The following KYAT3 variants were observed in gnomAD, a reference collection of about 807,000 sequenced individuals.
KYAT3 encodes kynurenine aminotransferase 3.
Under a neutral mutation model 59.0 loss-of-function variants are expected in KYAT3, and 50 were observed. That is an observed-to-expected ratio of 0.85 (90% CI 0.68 to 1.07). The LOEUF is 1.07. Among genes scored for constraint, KYAT3 ranks in the 50% least tolerant of loss-of-function variants. The pLI, the probability that KYAT3 is intolerant of heterozygous loss-of-function variation, is 0.00. For missense variants in KYAT3, 497 were observed against 533.3 expected (o/e 0.93, Z 0.67); for synonymous variants, 148 against 177.0 (o/e 0.84, Z 1.30).
intron 2 of KYAT3, chr1:88,984,204 CTTTTTTTTTTTTTTTTTT>C (rs908183722): frequency 1.2e-5 from 1 of 81,470 alleles, no homozygotes; most frequent in African/African-American, 4.4e-5. Context: ...TTTTTTGTTG[CTTTTTTTTTTTTTTTTTT>C]TTTTTTTTGT....
At position 88,949,325 on chromosome 1, in the gene KYAT3, T is replaced by C. The variant is rs1359667558; in HGVS notation, c.955-48A>G. ...TATGAAAAGGCATATGGCAATGTTA[T>C]TTATTGCTTAGTTTATTGGTATAAT... On this transcript the variant is annotated intron_variant, in intron 10 of 13. Coordinates refer to ENST00000260508, the MANE Select transcript of KYAT3 (RefSeq NM_001008661.3). 5.3e-6 allele frequency: 7 copies of C among 1,322,652 alleles called. No individual in the cohort carries two copies. The East Asian group carries it at 7.4e-5, about 14-fold the overall frequency. The allele number at this position is 1,322,652 out of a possible 1,614,324, so 81.9% of individuals were successfully genotyped here. A position where few individuals can be genotyped will look rare whatever the true frequency, so the allele number is the denominator to read the frequency against.
At chr1:88,971,926 G>C (rs1676571746) in intron 2 of KYAT3, among the ~76,000 whole-genome samples, 1 of 152,174 alleles carries the variant, frequency 6.6e-6, no homozygotes, top group Non-Finnish European at 1.5e-5. Flanking sequence ...ATGATATACA[G>C]CATGACCAAT....
chr1:88,942,614 G>A (rs1425197855), intron 13 of KYAT3, among the ~76,000 whole-genome samples: 1 of 152,034 alleles, frequency 6.6e-6, no homozygotes, highest in Non-Finnish European at 1.5e-5. Context: ...CCAGGCTGGA[G>A]TGCAGTGGTG....
intron 8 of KYAT3, 78 bp downstream of exon 8, chr1:88,961,089 T>G (rs1406806762): frequency 2.7e-6 from 4 of 1,480,154 alleles, no homozygotes; most frequent in Non-Finnish European, 1.9e-6. Flanking sequence ...TTAGAGTTGG[T>G]CTGGGATGCT....
At chr1:88,924,576 A>G in the KYAT3 span, among the ~76,000 whole-genome samples, 5 of 151,810 alleles carry the variant, frequency 3.3e-5, no homozygotes, top group African/African-American at 1.2e-4. Context: ...CTCTGTTTTC[A>G]CTCTATTAAA....
At chr1:88,943,669 C>T (rs1045717837) in intron 11 of KYAT3, among the ~76,000 whole-genome samples, 7 of 152,240 alleles carry the variant, frequency 4.6e-5, no homozygotes, top group African/African-American at 7.2e-5. Context: ...TAGGCTTATA[C>T]GTGCAGCTTT....
At chr1:88,975,498 T>C (rs1222220546) in intron 2 of KYAT3, among the ~76,000 whole-genome samples, 1 of 152,212 alleles carries the variant, frequency 6.6e-6, no homozygotes, top group African/African-American at 2.4e-5. Context: ...TGGTCTCTGC[T>C]CTTTTCCCCT....
intron 2 of KYAT3, among the ~76,000 whole-genome samples, chr1:88,972,552 C>T (rs1676594325): frequency 6.6e-6 from 1 of 151,998 alleles, no homozygotes; most frequent in African/African-American, 2.4e-5. Context: ...GATAAATGAC[C>T]CCAAAGTCTT....
intron 8 of KYAT3, among the ~76,000 whole-genome samples, chr1:88,960,270 T>G (rs533754918): frequency 6.6e-6 from 1 of 152,012 alleles, no homozygotes; most frequent in Admixed American, 6.5e-5. Context: ...GCCACATTTT[T>G]TAGTCATCCT....
In KYAT3 at chr1:88,969,392, T is replaced by G. The variant is rs770264794; in HGVS notation, c.158+17A>C. ...AGGAAACCCTCACTAAATTATTATT[T>G]ATTTTAAGATACTCACCACACATTA... On this transcript the variant is annotated intron_variant, in intron 3 of 13. Transcript: ENST00000260508. 1 of 1,472,772 alleles carries G rather than the reference T, an allele frequency of 6.8e-7. No individual in the cohort carries two copies. Among genetic ancestry groups the G allele is most frequent in the Non-Finnish European group, 9.4e-7 (1 of 1,059,026 alleles). The allele number at this position is 1,472,772 out of a possible 1,614,324, so 91.2% of individuals were successfully genotyped here.
intron 1 of KYAT3, among the ~76,000 whole-genome samples, chr1:88,991,640 C>T (rs1259160186): frequency 6.6e-6 from 1 of 152,238 alleles, no homozygotes; most frequent in Non-Finnish European, 1.5e-5. Context: ...CAAAGTTGGG[C>T]AGCATATGCT....
At chr1:88,978,675 A>AT (rs1476618011) in intron 2 of KYAT3, among the ~76,000 whole-genome samples, 2 of 135,306 alleles carry the variant, frequency 1.5e-5, no homozygotes, top group Non-Finnish European at 3.4e-5. Flanking sequence ...TTTTGTTCTT[A>AT]ATTTTTTTTT....
upstream of KYAT3, chr1:88,992,943 G>A (rs1421449660): frequency 6.5e-6 from 1 of 153,078 alleles, no homozygotes; most frequent in African/African-American, 2.4e-5. Flanking sequence ...AATGGAGGAG[G>A]GAAGGGGTGG....
downstream of KYAT3, among the ~76,000 whole-genome samples, chr1:88,931,556 CT>C (rs1674907300): frequency 2.0e-5 from 3 of 152,072 alleles, no homozygotes; most frequent in Admixed American, 2.0e-4. Context: ...TTGGGTTTTC[CT>C]GTTGAGAGGG....
intron 1 of KYAT3, among the ~76,000 whole-genome samples, chr1:88,992,072 G>A (rs1368252876): frequency 1.3e-5 from 2 of 149,444 alleles, no homozygotes; most frequent in African/African-American, 2.5e-5. Context: ...TCCGCCTCCC[G>A]GGTTCACGCC....
downstream of KYAT3, among the ~76,000 whole-genome samples, chr1:88,935,540 G>A (rs1675002711): frequency 1.3e-5 from 2 of 152,152 alleles, no homozygotes; most frequent in Admixed American, 6.5e-5. Context: ...GTGCAGTGGA[G>A]GTGAACATCA....
At chr1:88,984,795 C>G (rs1450401676) in intron 2 of KYAT3, among the ~76,000 whole-genome samples, 2 of 152,226 alleles carry the variant, frequency 1.3e-5, no homozygotes, top group East Asian at 3.8e-4. Flanking sequence ...AAGTGACAGG[C>G]ATGCAAATTC....
chr1:88,943,360 G>C lies in KYAT3; in HGVS notation c.1205C>G (p.Thr402Ser). 6.5e-7 allele frequency: 1 copy of C among 1,544,144 alleles called. No homozygotes were observed. The highest frequency in any genetic ancestry group is 8.9e-7 in the Non-Finnish European group (1 of 1,124,514). Residue 402 changes from threonine to serine, a missense_variant, in exon 12 of 14, where the codon ACT (threonine) becomes AGT (serine). This residue lies in a region of KYAT3 where 469 missense variants were observed against 479.1 expected (regional missense o/e 0.98). Transcript: ENST00000260508. ...AACAATAAACATTACCTTATGTTTA[G>C]TCATCCATTTCACAAACTTATAGTC... is the stretch of plus-strand genomic sequence containing the variant. ...PYDYKFVKWM[T>S]KHKKLSAIPV...
rs765734599 is a variant in KYAT3, at chr1:88,968,810, C to G, written c.163G>C (p.Glu55Gln). Residue 55 changes from glutamate to glutamine, a missense_variant, in exon 4 of 14, where the codon GAA (glutamate) becomes CAA (glutamine). Glu to Gln is a conservative substitution (Grantham distance 29). Coordinates refer to ENST00000260508, the MANE Select transcript of KYAT3 (RefSeq NM_001008661.3). ...IEGLDSNVWI[E>Q]FTKLAADPSV... ...GGGTCTGCAGCCAATTTGGTAAATTCAATCCTAAGATTGAAAAAAATACTA... is the reference window on the plus strand; with the variant it reads ...GGGTCTGCAGCCAATTTGGTAAATTGAATCCTAAGATTGAAAAAAATACTA... 1 of 1,578,198 alleles carries G rather than the reference C, an allele frequency of 6.3e-7. No individual in the cohort carries two copies. The highest frequency in any genetic ancestry group is 2.3e-5 in the East Asian group (1 of 43,966).
Sources: gnomAD v4.1 joint callset for allele counts (sites outside exome capture counted in the v4.1 genomes callset) on GRCh38, gnomAD v4.1.1 for gene constraint, gnomAD v4.1.1 regional missense constraint, MANE v1.5 for transcripts, NCBI Gene and HGNC (gene_info 2026-07-23, HGNC 2026-07-21) for gene names.